Variants in THSD7B observed in about 807,000 individuals in gnomAD.
THSD7B encodes the protein thrombospondin type-1 domain-containing protein 7B.
In THSD7B, 138 loss-of-function variants were observed where a neutral mutation model predicts 213.6. That is an observed-to-expected ratio of 0.65 (90% CI 0.56 to 0.74). The LOEUF is 0.74. Among genes scored for constraint, THSD7B ranks in the 30% least tolerant of loss-of-function variants. The probability of loss-of-function intolerance (pLI) is 0.00; values close to 1 mark genes in which losing one functional copy is unlikely to be tolerated. For missense variants in THSD7B, 1,931 were observed against 1,991.5 expected (o/e 0.97, Z 0.58); for synonymous variants, 742 against 687.0 (o/e 1.08, Z -1.25).
chr2:136,937,414 C>T (rs1684754590), intron 2 of THSD7B, among the ~76,000 whole-genome samples: 1 of 152,138 alleles, frequency 6.6e-6, no homozygotes, highest in South Asian at 2.1e-4. Flanking sequence ...GCTGACATCT[C>T]GAGGTGAACT....
In THSD7B at chr2:136,971,517, T is replaced by C. The variant is rs184864228; in HGVS notation, c.140-84903T>C. Among the ~76,000 whole-genome samples, 50 of 152,002 alleles carry C rather than the reference T, an allele frequency of 3.3e-4. No individual in the cohort carries two copies. In the East Asian group the frequency reaches 6.4e-3, roughly 19 times the overall value. ...AATCTAAGCAAATAAAAAAGCATGT[T>C]TTTAATACCAAGGAGCACTAAATAT... is the stretch of plus-strand genomic sequence containing the variant. On this transcript the variant is annotated intron_variant, in intron 2 of 27. Transcript: ENST00000409968.
chr2:137,305,251 G>A (rs779439516), intron 12 of THSD7B, among the ~76,000 whole-genome samples: 5 of 152,040 alleles, frequency 3.3e-5, no homozygotes, highest in Non-Finnish European at 7.3e-5. Context: ...GTACCAGTCG[G>A]GATCAAAAGC....
intron 2 of THSD7B, among the ~76,000 whole-genome samples, chr2:136,971,970 T>C (rs1211325825): frequency 6.6e-6 from 1 of 152,170 alleles, no homozygotes; most frequent in Non-Finnish European, 1.5e-5. Context: ...AGTGATTGCA[T>C]TCAATTATGA....
At chr2:136,872,568 CTTCT>C (rs1340152350) in intron 1 of THSD7B, among the ~76,000 whole-genome samples, 1 of 147,354 alleles carries the variant, frequency 6.8e-6, no homozygotes, top group Admixed American at 6.7e-5. Context: ...CTTTTCTTTT[CTTCT>C]TTCTCTTTCT....
At chr2:137,134,310 C>T (rs985857308) in intron 5 of THSD7B, among the ~76,000 whole-genome samples, 5 of 152,042 alleles carry the variant, frequency 3.3e-5, no homozygotes, top group Non-Finnish European at 7.4e-5. Context: ...AATTTTTTTT[C>T]ATATGTTCTT....
At chr2:136,998,909 GACACACACACACACACACACAC>G (rs57138045) in intron 2 of THSD7B, among the ~76,000 whole-genome samples, 7 of 129,898 alleles carry the variant, frequency 5.4e-5, no homozygotes, top group South Asian at 5.6e-4. Flanking sequence ...ATACCCAACA[GACACACACACACACACACACAC>G]ACACACACAC....
intron 15 of THSD7B, among the ~76,000 whole-genome samples, chr2:137,464,910 T>C (rs958360821): frequency 6.6e-6 from 1 of 151,982 alleles, no homozygotes; most frequent in African/African-American, 2.4e-5. Flanking sequence ...TGGAGTAAAA[T>C]AGGTGTATAA....
intron 17 of THSD7B, among the ~76,000 whole-genome samples, chr2:137,579,438 G>C (rs1349274517): frequency 6.6e-6 from 1 of 152,148 alleles, no homozygotes; most frequent in Non-Finnish European, 1.5e-5. Context: ...CCAGCTTGCA[G>C]ACTGCAGAAC....
At chr2:137,662,832 A>T (rs1683375494) in intron 25 of THSD7B, among the ~76,000 whole-genome samples, 1 of 152,154 alleles carries the variant, frequency 6.6e-6, no homozygotes, top group Admixed American at 6.5e-5. Context: ...AGGTGGGAAG[A>T]TTACCTGAGG....
chr2:136,828,632 C>CA (rs1682699598), intron 1 of THSD7B, among the ~76,000 whole-genome samples: 1 of 152,218 alleles, frequency 6.6e-6, no homozygotes. Flanking sequence ...GTGCTTTTTG[C>CA]ATTCTTGACA....
chr2:137,413,756 G>C (rs1686726572), intron 14 of THSD7B, among the ~76,000 whole-genome samples: 1 of 152,174 alleles, frequency 6.6e-6, no homozygotes, highest in African/African-American at 2.4e-5. Flanking sequence ...TTTAACGGCA[G>C]TCATCAGCTT....
At position 137,179,513 on chromosome 2, in the gene THSD7B, G is replaced by A. The variant is rs2105003975; in HGVS notation, c.1723+8575G>A. 3.3e-5 allele frequency among the ~76,000 whole-genome samples: 5 copies of A among 151,670 alleles called. No individual in the cohort carries two copies. In the South Asian group the frequency reaches 1.0e-3, roughly 32 times the overall value. On this transcript the variant is annotated intron_variant, in intron 7 of 27. Coordinates refer to ENST00000409968, the MANE Select transcript of THSD7B (RefSeq NM_001316349.2). ...GGCCAGTATGACTAGAAAAGGAAAA[G>A]TAATCAGAGGTTTACACATTCTGTA...
chr2:137,076,255 G>A (rs1036309865), intron 3 of THSD7B, among the ~76,000 whole-genome samples: 10 of 152,220 alleles, frequency 6.6e-5, no homozygotes, highest in South Asian at 2.1e-4. Context: ...CTTCCTGGCC[G>A]CTTTGTTTAC....
intron 12 of THSD7B, among the ~76,000 whole-genome samples, chr2:137,403,695 T>C: frequency 6.6e-6 from 1 of 152,216 alleles, no homozygotes. Flanking sequence ...ATATGGAAGA[T>C]CTGAAGTGGT....
intron 12 of THSD7B, among the ~76,000 whole-genome samples, chr2:137,313,923 T>C (rs1300571895): frequency 6.6e-6 from 1 of 151,026 alleles, no homozygotes. Context: ...GACCTTTCTC[T>C]CTGGCTGCCC....
intron 1 of THSD7B, among the ~76,000 whole-genome samples, chr2:136,814,862 A>C (rs1005523242): frequency 1.3e-5 from 2 of 152,140 alleles, no homozygotes; most frequent in African/African-American, 4.8e-5. Flanking sequence ...CTGTTTTTGT[A>C]TGGGTCTCAA....
chr2:137,661,629 T>A (rs570451639), intron 25 of THSD7B, among the ~76,000 whole-genome samples: 2 of 152,222 alleles, frequency 1.3e-5, no homozygotes, highest in East Asian at 3.9e-4. Flanking sequence ...AGGCAAGTAT[T>A]TGAACAAGAG....
At chr2:137,374,296 A>C (rs1427840663) in intron 12 of THSD7B, among the ~76,000 whole-genome samples, 1 of 152,012 alleles carries the variant, frequency 6.6e-6, no homozygotes, top group Non-Finnish European at 1.5e-5. Flanking sequence ...TTACTTCTTG[A>C]CTTTCTCTAT....
chr2:137,010,303 A>G (rs1201041372), intron 2 of THSD7B, among the ~76,000 whole-genome samples: 2 of 152,244 alleles, frequency 1.3e-5, no homozygotes, highest in African/African-American at 2.4e-5. Flanking sequence ...TAGTAACACT[A>G]TATTAATCTT....
Sources: gnomAD v4.1 joint callset for allele counts (sites outside exome capture counted in the v4.1 genomes callset) on GRCh38, gnomAD v4.1.1 for gene constraint, MANE v1.5 for transcripts, NCBI Gene and HGNC (gene_info 2026-07-23, HGNC 2026-07-21) for gene names.